Variants in MCHR2 observed in about 807,000 individuals in gnomAD.
The protein encoded by MCHR2 is melanin concentrating hormone receptor 2, also known as melanin-concentrating hormone receptor 2.
A neutral mutation model predicts 24.8 loss-of-function variants in MCHR2; 15 were observed. The ratio of observed to expected loss-of-function variants is 0.60; its 90% CI spans 0.40 to 0.93. The LOEUF is 0.93. Ranked by LOEUF, MCHR2 falls within the 40% of genes least tolerant of loss-of-function variation. The pLI, the probability that MCHR2 is intolerant of heterozygous loss-of-function variation, is 0.00. For missense variants in MCHR2, 386 were observed against 408.7 expected (o/e 0.94, Z 0.48); for synonymous variants, 151 against 147.6 (o/e 1.02, Z -0.17).
chr6:99,941,246 T>TA (rs1164678601), intron 4 of MCHR2, among the ~76,000 whole-genome samples: 1 of 150,470 alleles, frequency 6.6e-6, no homozygotes, highest in Non-Finnish European at 1.5e-5. Flanking sequence ...GAGGCTTTTT[T>TA]TTTTTTTTTT....
At chr6:99,922,883 T>C (rs959119273) in intron 5 of MCHR2, among the ~76,000 whole-genome samples, 1 of 146,584 alleles carries the variant, frequency 6.8e-6, no homozygotes, top group African/African-American at 2.5e-5. Context: ...GGGTCTGTTG[T>C]GGTTCCATAT....
chr6:99,939,011 T>C (rs1218492937), intron 4 of MCHR2, among the ~76,000 whole-genome samples: 1 of 152,070 alleles, frequency 6.6e-6, no homozygotes, highest in African/African-American at 2.4e-5. Flanking sequence ...ACTCTTGCTC[T>C]TTTTGACCTC....
chr6:99,969,624 C>G lies in MCHR2; in HGVS notation c.-27-13450G>C, dbSNP rs139817671. 1.9e-3 allele frequency among the ~76,000 whole-genome samples: 294 copies of G among 151,044 alleles called. 7 individuals are homozygous for G. In the East Asian group the frequency reaches 0.041, roughly 21 times the overall value. The stretch of plus-strand genomic sequence containing the variant: ...GGGTTCATGTGCACAATGTGCAGGT[C>G]TGTTACATATGTATACATGTGCCAT... On this transcript the variant is annotated intron_variant, in intron 1 of 5. Coordinates refer to ENST00000281806, the MANE Select transcript of MCHR2 (RefSeq NM_001040179.2).
chr6:99,967,169 A>C (rs1421524570), intron 1 of MCHR2, among the ~76,000 whole-genome samples: 2 of 151,912 alleles, frequency 1.3e-5, no homozygotes, highest in African/African-American at 2.4e-5. Context: ...TAAAAAAAAA[A>C]ACAGAAATTT....
intron 1 of MCHR2, among the ~76,000 whole-genome samples, chr6:99,991,822 A>AAAAAAAAAAAG (rs1554197611): frequency 3.3e-5 from 5 of 151,166 alleles, no homozygotes; most frequent in African/African-American, 1.2e-4. Flanking sequence ...AAAAAAAAAA[A>AAAAAAAAAAAG]AAAAGAAAAG....
intron 4 of MCHR2, among the ~76,000 whole-genome samples, chr6:99,942,436 A>G (rs1373109422): frequency 6.6e-6 from 1 of 152,116 alleles, no homozygotes; most frequent in Non-Finnish European, 1.5e-5. Context: ...GCTTCTCCTT[A>G]TCAGGACAAT....
chr6:99,965,901 G>A (rs1292982405), intron 1 of MCHR2, among the ~76,000 whole-genome samples: 1 of 152,124 alleles, frequency 6.6e-6, no homozygotes, highest in Non-Finnish European at 1.5e-5. Context: ...CGCCACATGT[G>A]TTTCCAAGAC....
chr6:99,981,741 A>G (rs547042952), intron 1 of MCHR2, among the ~76,000 whole-genome samples: 4 of 152,262 alleles, frequency 2.6e-5, no homozygotes, highest in East Asian at 3.9e-4. Flanking sequence ...TTCTCTCTGC[A>G]TGAAAGTCTC....
intron 1 of MCHR2, among the ~76,000 whole-genome samples, chr6:99,974,773 C>G (rs561685688): frequency 6.6e-6 from 1 of 152,308 alleles, no homozygotes; most frequent in East Asian, 1.9e-4. Context: ...TTCCTTCTAA[C>G]AGACAGGACC....
Position 99,920,723 on chromosome 6 carries a change from C to A in MCHR2, c.*217G>T. 1.9e-6 allele frequency: 1 copy of A among 536,374 alleles called. No homozygotes were observed. Among genetic ancestry groups the A allele is most frequent in the Non-Finnish European group, 3.3e-6 (1 of 299,710 alleles). The allele number at this position is 536,374 out of a possible 1,614,324, so 33.2% of individuals were successfully genotyped here. A position where few individuals can be genotyped will look rare whatever the true frequency, so the allele number is the denominator to read the frequency against. ...TGAAGCCTGGGTATCTCAGACTATC[C>A]CATTCCCTACCCACAATATAGATCA... On this transcript the variant is annotated 3_prime_UTR_variant, in exon 6 of 6. Coordinates refer to ENST00000281806, the MANE Select transcript of MCHR2 (RefSeq NM_001040179.2).
chr6:99,956,332 A>G (rs899466155), intron 1 of MCHR2, among the ~76,000 whole-genome samples, 158 bp from the exon 2 acceptor site: 2 of 152,132 alleles, frequency 1.3e-5, no homozygotes, highest in African/African-American at 4.8e-5. Context: ...TGTTCATAGT[A>G]ATCTCACAGA....
At chr6:99,954,720 G>T (rs889693786) in intron 2 of MCHR2, among the ~76,000 whole-genome samples, 1 of 152,136 alleles carries the variant, frequency 6.6e-6, no homozygotes. Context: ...TTGTTTATTG[G>T]TTGGATGTCA....
chr6:99,956,687 C>T (rs1456426743), intron 1 of MCHR2, among the ~76,000 whole-genome samples: 1 of 152,042 alleles, frequency 6.6e-6, no homozygotes, highest in Non-Finnish European at 1.5e-5. Context: ...AGAGTTAGCT[C>T]AGCAAATTAG....
chr6:99,968,112 A>C (rs1294220742), intron 1 of MCHR2, among the ~76,000 whole-genome samples: 1 of 152,230 alleles, frequency 6.6e-6, no homozygotes, highest in African/African-American at 2.4e-5. Context: ...TTATTACAAT[A>C]ATCATCATGA....
At chr6:99,992,000 A>G (rs1775891534) in intron 1 of MCHR2, among the ~76,000 whole-genome samples, 1 of 152,176 alleles carries the variant, frequency 6.6e-6, no homozygotes, top group Non-Finnish European at 1.5e-5. Context: ...GAGAATCAGA[A>G]TGTTAAAAAT....
chr6:99,972,945 G>T (rs986419536), intron 1 of MCHR2, among the ~76,000 whole-genome samples: 2 of 152,066 alleles, frequency 1.3e-5, no homozygotes, highest in Non-Finnish European at 2.9e-5. Context: ...TATAATTTCT[G>T]TTCTTTTACA....
At position 99,921,072 on chromosome 6, in the gene MCHR2, G is replaced by A. The variant is rs200877202; in HGVS notation, c.891C>T (p.Ala297=). 6.2e-7 allele frequency: 1 copy of A among 1,614,182 alleles called. No homozygotes were observed. The highest frequency in any genetic ancestry group is 8.5e-7 in the Non-Finnish European group (1 of 1,180,026). The change falls in exon 6 of 6, where the codon GCC becomes GCT. Residue 297 remains alanine (A), a synonymous_variant. Transcript: ENST00000281806. ...GYYLSICLSY[A]SSSINPFLYI... is the part of the protein sequence containing the mutation. ...AGAGAAAAGGGTTAATGCTGCTGCT[G>A]GCATAGCTGAGACAGATGGAGAGGT...
chr6:99,924,472 T>A (rs1332808875), intron 5 of MCHR2, among the ~76,000 whole-genome samples: 1 of 152,084 alleles, frequency 6.6e-6, no homozygotes. Context: ...CTTGCTTTTC[T>A]AGTTCTTTAA....
intron 1 of MCHR2, among the ~76,000 whole-genome samples, chr6:99,974,624 A>T (rs1014212343): frequency 6.6e-6 from 1 of 152,128 alleles, no homozygotes; most frequent in Non-Finnish European, 1.5e-5. Context: ...CCTTTGGTGG[A>T]GGAGAGGCGC....
Sources: allele counts gnomAD v4.1 joint callset (sites outside exome capture counted in the v4.1 genomes callset), GRCh38; gene constraint gnomAD v4.1.1; transcripts MANE v1.5; gene names NCBI Gene and HGNC (gene_info 2026-07-23, HGNC 2026-07-21).